Variants in CTNNA3 observed in about 807,000 individuals in gnomAD.
CTNNA3 encodes catenin alpha 3, also known as catenin alpha-3.
In CTNNA3, 76 loss-of-function variants were observed where a neutral mutation model predicts 95.7. That is an observed-to-expected ratio of 0.79 (90% confidence interval 0.66 to 0.96). The LOEUF is 0.96. Ranked by LOEUF, CTNNA3 falls within the 40% of genes least tolerant of loss-of-function variation. CTNNA3 has a pLI of 0.00. For missense variants in CTNNA3, 1,191 were observed against 1,089.8 expected, an observed-to-expected ratio of 1.09 and a Z score of -1.31; for synonymous variants, 431 against 374.4, an observed-to-expected ratio of 1.15 and a Z score of -1.74.
chr10:67,309,150 G>T (rs1018331604), intron 5 of CTNNA3, among the ~76,000 whole-genome samples: 2 of 151,900 alleles, frequency 1.3e-5, no homozygotes, highest in Admixed American at 1.3e-4. Context: ...CATGATTAAT[G>T]CACTCTATTT....
At chr10:67,170,286 A>C (rs1861959916) in intron 7 of CTNNA3, among the ~76,000 whole-genome samples, 1 of 152,218 alleles carries the variant, frequency 6.6e-6, no homozygotes, top group African/African-American at 2.4e-5. Flanking sequence ...ACCCAAAGGA[A>C]TATAAATCAT....
chr10:66,057,645 G>A (rs1039218415), intron 15 of CTNNA3, among the ~76,000 whole-genome samples: 2 of 152,080 alleles, frequency 1.3e-5, no homozygotes, highest in African/African-American at 2.4e-5. Context: ...ATTATTTACA[G>A]GGAGAATATT....
In CTNNA3 at chr10:67,620,923, G is replaced by GTGTATATATATA. The variant is rs1402402526; in HGVS notation, c.100-13875_100-13874insTATATATATACA. Among the ~76,000 whole-genome samples, 480 of 123,762 alleles carry GTGTATATATATA rather than the reference G, an allele frequency of 3.9e-3. 3 individuals are homozygous for GTGTATATATATA. Among genetic ancestry groups the GTGTATATATATA allele is most frequent in the South Asian group, 7.7e-3 (30 of 3,910 alleles). 81.2% of individuals were successfully genotyped at this position (123,762 alleles called of 152,430 possible). A position where few individuals can be genotyped will look rare whatever the true frequency, so the allele number is the denominator to read the frequency against. ...TGTATATGTGTGTGTGTGTGTGTGT[G>GTGTATATATATA]TATATATATATATATATATATATAT... On this transcript the variant is annotated intron_variant, in intron 2 of 17. Transcript: ENST00000433211.
intron 13 of CTNNA3, among the ~76,000 whole-genome samples, chr10:66,156,144 G>A (rs2084496585): frequency 6.6e-6 from 1 of 151,850 alleles, no homozygotes; most frequent in South Asian, 2.1e-4. Flanking sequence ...AGGCATCTTG[G>A]GACCCAAGGA....
At chr10:67,543,539 A>G (rs1189637815) in intron 3 of CTNNA3, among the ~76,000 whole-genome samples, 1 of 152,166 alleles carries the variant, frequency 6.6e-6, no homozygotes, top group Non-Finnish European at 1.5e-5. Context: ...TATAAGAAAA[A>G]TATCCAGAGG....
chr10:67,108,442 G>T (rs2131963765), intron 7 of CTNNA3, among the ~76,000 whole-genome samples: 1 of 151,964 alleles, frequency 6.6e-6, no homozygotes, highest in East Asian at 1.9e-4. Flanking sequence ...ACTATATAAT[G>T]ATATTTTGAT....
chr10:66,674,199 T>C lies in CTNNA3; in HGVS notation c.1282-52415A>G, dbSNP rs150079736. Among the ~76,000 whole-genome samples the C allele has an allele frequency of 4.8e-4, 73 of 152,236 alleles. No individual in the cohort carries two copies. In the East Asian group the frequency reaches 0.013, roughly 27 times the overall value. ...ACTTCTTCTTTTAAAATCTGACATA[T>C]GGGATAACTCCTTGGGTTTGCTTCT... is the stretch of plus-strand genomic sequence containing the variant. On this transcript the variant is annotated intron_variant, in intron 9 of 17. Coordinates refer to ENST00000433211, the MANE Select transcript of CTNNA3 (RefSeq NM_013266.4).
At chr10:66,419,956 G>A (rs12255111) in intron 11 of CTNNA3, among the ~76,000 whole-genome samples, 17,848 of 151,990 alleles carry the variant, frequency 0.12, 1,523 homozygotes, top group African/African-American at 0.24. Context: ...CATAGGAAAC[G>A]CACTTCCAAC....
intron 11 of CTNNA3, among the ~76,000 whole-genome samples, chr10:66,513,229 A>T (rs185379719): frequency 2.5e-4 from 38 of 152,202 alleles, no homozygotes; most frequent in Admixed American, 2.4e-3. Context: ...TAATTCGCTT[A>T]TTTCAAAAGA....
intron 9 of CTNNA3, among the ~76,000 whole-genome samples, chr10:66,680,491 A>G (rs1337957015): frequency 6.6e-6 from 1 of 152,240 alleles, no homozygotes. Context: ...TTATGTGGAC[A>G]GCCCATGTGG....
At chr10:66,489,013 AT>A (rs939152780) in intron 11 of CTNNA3, among the ~76,000 whole-genome samples, 1 of 152,108 alleles carries the variant, frequency 6.6e-6, no homozygotes, top group Admixed American at 6.5e-5. Flanking sequence ...GAGGAGAGGG[AT>A]TTCAGTCATT....
At chr10:66,576,860 G>A (rs1843019328) in intron 10 of CTNNA3, among the ~76,000 whole-genome samples, 1 of 151,634 alleles carries the variant, frequency 6.6e-6, no homozygotes, top group Admixed American at 6.6e-5. Context: ...TAGTGGAATT[G>A]TTGGGCCAAA....
rs572175929 is a variant in CTNNA3, at chr10:66,447,847, G to A, written c.1532-68495C>T. Reference sequence around the variant, plus strand: ...AAATGGGGTCTAATTAAACTAAAGAGCTTCTGCACAGCAAAAGAAGCTACC... The same window carrying A: ...AAATGGGGTCTAATTAAACTAAAGAACTTCTGCACAGCAAAAGAAGCTACC... On this transcript the variant is annotated intron_variant, in intron 11 of 17. Coordinates refer to ENST00000433211, the MANE Select transcript of CTNNA3 (RefSeq NM_013266.4). 2.4e-3 allele frequency among the ~76,000 whole-genome samples: 363 copies of A among 152,190 alleles called. 2 individuals carry two copies. Among genetic ancestry groups the A allele is most frequent in the Non-Finnish European group, 3.7e-3 (252 of 68,018 alleles).
intron 15 of CTNNA3, among the ~76,000 whole-genome samples, chr10:65,990,096 TACACAC>T (rs377426492): frequency 1.4e-5 from 2 of 147,444 alleles, no homozygotes; most frequent in African/African-American, 5.0e-5. Context: ...TGTGTGTGTA[TACACAC>T]ACACACACCA....
At chr10:66,299,225 A>G (rs940596173) in intron 12 of CTNNA3, among the ~76,000 whole-genome samples, 2 of 152,150 alleles carry the variant, frequency 1.3e-5, no homozygotes, top group African/African-American at 2.4e-5. Flanking sequence ...TCTTAGATGC[A>G]TGTCATTAGG....
intron 5 of CTNNA3, among the ~76,000 whole-genome samples, chr10:67,274,308 T>C (rs1305560911): frequency 2.6e-5 from 4 of 152,120 alleles, no homozygotes; most frequent in African/African-American, 4.8e-5. Flanking sequence ...ACTGTTTTTA[T>C]ACCAGACCAA....
chr10:66,516,376 C>T (rs750860870), intron 11 of CTNNA3, among the ~76,000 whole-genome samples: 2 of 152,140 alleles, frequency 1.3e-5, no homozygotes, highest in African/African-American at 2.4e-5. Flanking sequence ...TGTTTAATGG[C>T]CATTTCTCTT....
chr10:67,702,288 T>C (rs1172131713), intron 1 of CTNNA3, among the ~76,000 whole-genome samples: 2 of 152,126 alleles, frequency 1.3e-5, no homozygotes, highest in Admixed American at 6.6e-5. Flanking sequence ...AATAGACATC[T>C]ACAGAACTCT....
At chr10:66,526,886 T>A (rs56257602) in intron 10 of CTNNA3, among the ~76,000 whole-genome samples, 6,590 of 152,244 alleles carry the variant, frequency 0.043, 191 homozygotes, top group South Asian at 0.066. Flanking sequence ...TCCCACTCTT[T>A]GGGTTGCCTC....
Sources: gnomAD v4.1 joint callset for allele counts (sites outside exome capture counted in the v4.1 genomes callset) on GRCh38, gnomAD v4.1.1 for gene constraint, MANE v1.5 for transcripts, NCBI Gene and HGNC (gene_info 2026-07-23, HGNC 2026-07-21) for gene names.